Variants in CCDC77 observed in about 807,000 individuals in gnomAD.
The protein encoded by CCDC77 is coiled-coil domain containing 77.
A neutral mutation model predicts 66.8 loss-of-function variants in CCDC77; 56 were observed. The ratio of observed to expected loss-of-function variants is 0.84; its 90% CI spans 0.68 to 1.05. The LOEUF is 1.05. Among genes scored for constraint, CCDC77 ranks in the 50% least tolerant of loss-of-function variants. CCDC77 has a pLI of 0.00. For missense variants in CCDC77, 570 were observed against 576.8 expected (o/e 0.99, Z 0.12); for synonymous variants, 196 against 195.2 (o/e 1.00, Z -0.03).
Position 432,942 on chromosome 12 carries a change from G to A in CCDC77, c.673-232G>A, listed in dbSNP as rs1945678359. Among the ~76,000 whole-genome samples the A allele has an allele frequency of 1.3e-5, 2 of 152,166 alleles. 1 individual carries two copies. The highest frequency in any genetic ancestry group is 4.1e-4 in the South Asian group (2 of 4,836). Reference sequence around the variant, plus strand: ...GTAGTCCTGGAGGCTGAGGCAGGGAGGACTGCTTGAGCCCAGGGGGTTGAG... The same window carrying A: ...GTAGTCCTGGAGGCTGAGGCAGGGAAGACTGCTTGAGCCCAGGGGGTTGAG... On this transcript the variant is annotated intron_variant, in intron 8 of 12. Coordinates refer to ENST00000239830, the MANE Select transcript of CCDC77 (RefSeq NM_032358.4).
chr12:424,848 A>G lies in CCDC77; in HGVS notation c.414-3921A>G, dbSNP rs555787148. 7.3e-5 allele frequency among the ~76,000 whole-genome samples: 11 copies of G among 150,824 alleles called. No homozygotes were observed. The East Asian group carries it at 2.1e-3, about 29-fold the overall frequency. The stretch of plus-strand genomic sequence containing the variant: ...CAGCATTAGGTAAGGTTCCAACTTC[A>G]TTATTTTGCATGTGGATGTCCAGTT... On this transcript the variant is annotated intron_variant, in intron 5 of 12. Transcript: ENST00000239830.
upstream of CCDC77, among the ~76,000 whole-genome samples, chr12:396,800 C>A (rs147526589): frequency 1.3e-5 from 2 of 152,316 alleles, no homozygotes; most frequent in African/African-American, 2.4e-5. Flanking sequence ...CTAATAGAGA[C>A]AAATGGGGTC....
At chr12:433,571 C>A in intron 9 of CCDC77, 1 of 890,200 alleles carries the variant, frequency 1.1e-6, no homozygotes, top group Non-Finnish European at 1.5e-6. Flanking sequence ...CTTCTGGTGG[C>A]TAAGAAGTGT....
At chr12:436,754 C>G (rs1203843396) in intron 9 of CCDC77, 1 of 984,470 alleles carries the variant, frequency 1.0e-6, no homozygotes, top group South Asian at 4.7e-5. Context: ...TATCTGAGCA[C>G]ATGATCGGTT....
At chr12:417,742 C>G (rs1009928684) in intron 4 of CCDC77, among the ~76,000 whole-genome samples, 2 of 152,022 alleles carry the variant, frequency 1.3e-5, no homozygotes, top group Non-Finnish European at 2.9e-5. Context: ...GGTGAAACCC[C>G]GTCTCTACTA....
chr12:436,378 C>T (rs927070272), intron 9 of CCDC77, among the ~76,000 whole-genome samples: 23 of 151,922 alleles, frequency 1.5e-4, no homozygotes, highest in African/African-American at 5.1e-4. Context: ...CCCGCCTCGG[C>T]CTCCCAAAGT....
At chr12:417,423 A>G (rs956365711) in intron 4 of CCDC77, among the ~76,000 whole-genome samples, 4 of 152,024 alleles carry the variant, frequency 2.6e-5, no homozygotes, top group Non-Finnish European at 5.9e-5. Flanking sequence ...TCCCAAACAG[A>G]TCTCAGAATG....
chr12:411,181 T>G (rs1591966045), intron 3 of CCDC77, among the ~76,000 whole-genome samples: 1 of 14,372 alleles, frequency 7.0e-5, no homozygotes, highest in Admixed American at 9.2e-4. Context: ...TTTCAATTTG[T>G]TTTTTTTTTT....
intron 1 of CCDC77, among the ~76,000 whole-genome samples, chr12:394,089 A>G (rs752012749): frequency 1.9e-4 from 29 of 152,224 alleles, no homozygotes; most frequent in Non-Finnish European, 3.7e-4. Context: ...TATTATTGCC[A>G]ACAAATACCA....
At chr12:400,120 T>C (rs993496794), upstream of CCDC77, among the ~76,000 whole-genome samples, 2 of 152,262 alleles carry the variant, frequency 1.3e-5, no homozygotes, top group African/African-American at 4.8e-5. Context: ...CTCCTTTCCT[T>C]AAACCTCACG....
chr12:416,927 G>A (rs1007786778), intron 4 of CCDC77, among the ~76,000 whole-genome samples: 9 of 150,552 alleles, frequency 6.0e-5, no homozygotes, highest in South Asian at 2.2e-4. Flanking sequence ...ATCACCTGGG[G>A]TCAGGAGTTC....
chr12:442,167 G>T lies in CCDC77; in HGVS notation c.*247G>T. On this transcript the variant is annotated 3_prime_UTR_variant, in exon 13 of 13. Coordinates refer to ENST00000239830, the MANE Select transcript of CCDC77 (RefSeq NM_032358.4). ...GGGGCCTGGTCCTGAATGACTTGGA[G>T]GCTTTCATTATTTATCCTGTCTGTA... 2.3e-6 allele frequency: 1 copy of T among 429,808 alleles called. No individual in the cohort carries two copies. The highest frequency in any genetic ancestry group is 3.6e-5 in the South Asian group (1 of 27,698). The allele number at this position is 429,808 out of a possible 1,614,324, so 26.6% of individuals were successfully genotyped here.
chr12:413,413 AT>A (rs1246220501), intron 4 of CCDC77, among the ~76,000 whole-genome samples: 1 of 128,830 alleles, frequency 7.8e-6, no homozygotes, highest in Non-Finnish European at 1.7e-5. Context: ...ATTTTTTTGT[AT>A]TTTTTTAGTA....
chr12:410,712 A>G (rs896888938), intron 3 of CCDC77, among the ~76,000 whole-genome samples: 2 of 150,950 alleles, frequency 1.3e-5, no homozygotes, highest in Non-Finnish European at 1.5e-5. Context: ...GGCCCGGCTA[A>G]TTTTTGTATT....
chr12:410,086 C>G (rs1477531876), intron 3 of CCDC77, among the ~76,000 whole-genome samples: 1 of 151,804 alleles, frequency 6.6e-6, no homozygotes, highest in African/African-American at 2.4e-5. Flanking sequence ...TTTCTTCATG[C>G]TAGTTGACAG....
chr12:391,801 C>A (rs1301390613), intron 1 of CCDC77, among the ~76,000 whole-genome samples: 1 of 152,200 alleles, frequency 6.6e-6, no homozygotes, highest in Non-Finnish European at 1.5e-5. Context: ...CACAGTACTT[C>A]TGAGAAATCT....
intron 2 of CCDC77, among the ~76,000 whole-genome samples, chr12:407,080 A>G (rs1945008704): frequency 6.6e-6 from 1 of 152,116 alleles, no homozygotes; most frequent in South Asian, 2.1e-4. Flanking sequence ...CTGAGGGGAG[A>G]GGATTGAGTG....
chr12:434,436 G>T (rs756398558), intron 9 of CCDC77, among the ~76,000 whole-genome samples: 12 of 148,682 alleles, frequency 8.1e-5, no homozygotes, highest in Non-Finnish European at 3.0e-5. Context: ...CCCTGCAACC[G>T]CTGCCTCCCA....
chr12:431,828 A>G (rs7310504), intron 7 of CCDC77, 38 bp from the exon 8 acceptor site: 977,329 of 1,334,234 alleles, frequency 0.73, 360,044 homozygotes, highest in Middle Eastern at 0.85. Context: ...AGAAAAGCTG[A>G]GTAAAATCTT....
Sources: allele counts gnomAD v4.1 joint callset (sites outside exome capture counted in the v4.1 genomes callset), GRCh38; gene constraint gnomAD v4.1.1; transcripts MANE v1.5; gene names NCBI Gene and HGNC (gene_info 2026-07-23, HGNC 2026-07-21).